The following CASZ1 variants were observed in gnomAD, a reference collection of about 807,000 sequenced individuals.
CASZ1 encodes zinc finger protein castor homolog 1.
A neutral mutation model predicts 135.2 loss-of-function variants in CASZ1; 28 were observed. The observed-to-expected ratio is 0.21, with a 90% CI of 0.15 to 0.28. The LOEUF (loss-of-function observed/expected upper bound fraction) is 0.28. Among genes scored for constraint, CASZ1 ranks in the 10% least tolerant of loss-of-function variants. The pLI is 1.00. For synonymous variants in CASZ1, 1,068 were observed against 1,073.4 expected, an observed-to-expected ratio of 0.99 and a Z score of 0.10; for missense variants, 2,161 against 2,453.3, an observed-to-expected ratio of 0.88 and a Z score of 2.52.
intron 4 of CASZ1, among the ~76,000 whole-genome samples, chr1:10,678,583 G>A (rs911160105): frequency 7.2e-5 from 11 of 152,208 alleles, no homozygotes; most frequent in African/African-American, 2.7e-4. Context: ...TCGCTCCCTG[G>A]GCCGCGCCGG....
rs1638960915 is a variant in CASZ1 at position 10,697,557 on chromosome 1, C to T, written c.-23-3645G>A. The stretch of plus-strand genomic sequence containing the variant: ...TCAGCACCAAGGAAAGCCATCTGCC[C>T]TTCCTGTCACACTGCTATCGCTGGT... On this transcript the variant is annotated intron_variant, in intron 3 of 20. Transcript: ENST00000377022. The surrounding 1 kb of genome is among the most constrained non-coding windows in gnomAD (Gnocchi z 4.7). Among the ~76,000 whole-genome samples, 1 of 152,096 alleles carries T rather than the reference C, an allele frequency of 6.6e-6. No homozygotes were observed. The highest frequency in any genetic ancestry group is 2.1e-4 in the South Asian group (1 of 4,828).
intron 3 of CASZ1, among the ~76,000 whole-genome samples, chr1:10,702,764 T>A (rs545037965): frequency 1.3e-5 from 2 of 152,260 alleles, no homozygotes; most frequent in Admixed American, 1.3e-4. Flanking sequence ...GCAAGAGAGA[T>A]GTCAATGGGG....
chr1:10,792,677 C>T (rs1277064818), intron 1 of CASZ1, among the ~76,000 whole-genome samples: 2 of 151,248 alleles, frequency 1.3e-5, no homozygotes, highest in Non-Finnish European at 2.9e-5. Context: ...ATTCACTGCA[C>T]CGCCTCCCCA....
chr1:10,708,977 G>C (rs1279340057), intron 2 of CASZ1, among the ~76,000 whole-genome samples: 1 of 141,128 alleles, frequency 7.1e-6, no homozygotes, highest in South Asian at 2.5e-4. Flanking sequence ...GGGGAGGGGG[G>C]GGGCCATGGG....
chr1:10,743,473 G>A (rs2100537445), intron 2 of CASZ1, among the ~76,000 whole-genome samples: 1 of 146,144 alleles, frequency 6.8e-6, no homozygotes, highest in Non-Finnish European at 1.6e-5. Flanking sequence ...GTGTACCCCG[G>A]CATCCTCCAC....
rs796669905 is a variant in CASZ1 at position 10,719,214 on chromosome 1, G to A, written c.-76-13670C>T. 4.4e-4 allele frequency among the ~76,000 whole-genome samples: 67 copies of A among 152,308 alleles called. No homozygotes were observed. The highest frequency in any genetic ancestry group is 1.6e-3 in the African/African-American group (66 of 41,568). On this transcript the variant is annotated intron_variant, in intron 2 of 20. Coordinates refer to ENST00000377022, the MANE Select transcript of CASZ1 (RefSeq NM_001079843.3). The surrounding 1 kb of genome is among the most constrained non-coding windows in gnomAD (Gnocchi z 4.0). ...ATTACAGGCGTGAGCCACCGCACCC[G>A]GCCCCGTGCCCCTTTCTTGTAAGGG...
At position 10,658,455 on chromosome 1, in the gene CASZ1, C is replaced by G. The variant is rs1481224321; in HGVS notation, c.1409+53G>C. Reference sequence around the variant, plus strand: ...AACGAATGGCCTCAGAGTGCCCGGTCAGTCCTGGCCCCCCACCTTCTCTCC... The same window carrying G: ...AACGAATGGCCTCAGAGTGCCCGGTGAGTCCTGGCCCCCCACCTTCTCTCC... On this transcript the variant is annotated intron_variant, in intron 7 of 20. Coordinates refer to ENST00000377022, the MANE Select transcript of CASZ1 (RefSeq NM_001079843.3). The G allele has an allele frequency of 2.0e-6, 3 of 1,477,890 alleles. No individual in the cohort carries two copies. The East Asian group carries it at 6.8e-5, about 33-fold the overall frequency. The allele number at this position is 1,477,890 out of a possible 1,614,324, so 91.5% of individuals were successfully genotyped here.
intron 2 of CASZ1, among the ~76,000 whole-genome samples, chr1:10,754,752 G>C (rs1640217401): frequency 6.6e-6 from 1 of 152,210 alleles, no homozygotes; most frequent in Non-Finnish European, 1.5e-5. Flanking sequence ...CCCGGGCCCA[G>C]CTCAGCTGCT....
In CASZ1 at chr1:10,756,978, G is replaced by A. The variant is rs1193955107; in HGVS notation, c.-77+3723C>T. Among the ~76,000 whole-genome samples the A allele has an allele frequency of 2.6e-5, 4 of 152,220 alleles. No homozygotes were observed. The highest frequency in any genetic ancestry group is 5.9e-5 in the Non-Finnish European group (4 of 68,036). On this transcript the variant is annotated intron_variant, in intron 2 of 20. Coordinates refer to ENST00000377022, the MANE Select transcript of CASZ1 (RefSeq NM_001079843.3). The surrounding 1 kb of genome is among the most constrained non-coding windows in gnomAD (Gnocchi z 5.9). ...AATCTCAGACCCAGCACAGAACCCA[G>A]GGAGCAAACACACAAAGCTGGCTTC...
In CASZ1 at chr1:10,639,277, G is replaced by GGTCGCCCGC; in HGVS notation, c.4936_4944dup (p.Ala1646_Asp1648dup). On this transcript the variant is annotated inframe_insertion, in exon 21 of 21. Transcript: ENST00000377022. This position sits in a 1 kb window ranked among gnomAD's most constrained non-coding sequence, Gnocchi z 4.0. ...GGGGCGGCGGCGTCGGGCGGGCCGGGGTCGCCCGCGTCGCCCAGCGCCAGG... is the reference window on the plus strand; with the variant it reads ...GGGGCGGCGGCGTCGGGCGGGCCGGGGTCGCCCGCGTCGCCCGCGTCGCCCAGCGCCAGG... 5 of 1,123,302 alleles carry GGTCGCCCGC rather than the reference G, an allele frequency of 4.5e-6. No homozygotes were observed. Among genetic ancestry groups the GGTCGCCCGC allele is most frequent in the Non-Finnish European group, 5.5e-6 (5 of 914,010 alleles). 69.6% of individuals were successfully genotyped at this position (1,123,302 alleles called of 1,614,324 possible).
chr1:10,722,464 G>A (rs962000837), intron 2 of CASZ1, among the ~76,000 whole-genome samples: 1 of 152,222 alleles, frequency 6.6e-6, no homozygotes, highest in East Asian at 1.9e-4. Flanking sequence ...TAGGGACCGA[G>A]TACCTTCGAG....
chr1:10,666,094 G>A lies in CASZ1; in HGVS notation c.17-523C>T, dbSNP rs1013724739. 1.3e-5 allele frequency among the ~76,000 whole-genome samples: 2 copies of A among 151,672 alleles called. 1 individual carries two copies. Among genetic ancestry groups the A allele is most frequent in the South Asian group, 4.1e-4 (2 of 4,820 alleles). On this transcript the variant is annotated intron_variant, in intron 4 of 20. Coordinates refer to ENST00000377022, the MANE Select transcript of CASZ1 (RefSeq NM_001079843.3). The surrounding 1 kb of genome is among the most constrained non-coding windows in gnomAD (Gnocchi z 5.2). ...GTCACAGAGAGCCAGGGACCAGCTT[G>A]TGCCAGCCTCTTGCCTCACTGTCCC...
intron 1 of CASZ1, among the ~76,000 whole-genome samples, chr1:10,780,809 G>C (rs1640750153): frequency 6.6e-6 from 1 of 152,158 alleles, no homozygotes; most frequent in Non-Finnish European, 1.5e-5. Context: ...ACTCAGGTAA[G>C]TGACTGAACC....
rs1557459740 is a variant in CASZ1, at chr1:10,646,187, GGTT to G, written c.3634_3636del (p.Asn1212del). The G allele has an allele frequency of 1.9e-6, 3 of 1,614,198 alleles. No individual in the cohort carries two copies. Among genetic ancestry groups the G allele is most frequent in the South Asian group, 1.1e-5 (1 of 91,080 alleles). On this transcript the variant is annotated inframe_deletion, in exon 17 of 21. Transcript: ENST00000377022. This position sits in a 1 kb window ranked among gnomAD's most constrained non-coding sequence, Gnocchi z 6.4. ...GCAAACTGGTCTCGCACGTTCACCAGGTTGTTGTTGGGGTTGATGTGGTCCAGG... is the reference window on the plus strand; with the variant it reads ...GCAAACTGGTCTCGCACGTTCACCAGGTTGTTGGGGTTGATGTGGTCCAGG...
intron 2 of CASZ1, among the ~76,000 whole-genome samples, chr1:10,733,351 C>G (rs1639736166): frequency 6.6e-6 from 1 of 152,172 alleles, no homozygotes; most frequent in African/African-American, 2.4e-5. Flanking sequence ...CATGTCCGAC[C>G]AGCTAAACCT....
chr1:10,780,068 C>T (rs1159220069), intron 1 of CASZ1, among the ~76,000 whole-genome samples: 1 of 152,180 alleles, frequency 6.6e-6, no homozygotes, highest in Non-Finnish European at 1.5e-5. Flanking sequence ...AGCAGGAGCC[C>T]TCACCCTCAC....
rs563927782 is a variant in CASZ1, at chr1:10,788,695, C to T, written c.-234+7869G>A. On this transcript the variant is annotated intron_variant, in intron 1 of 20. Transcript: ENST00000377022. This position sits in a 1 kb window ranked among gnomAD's most constrained non-coding sequence, Gnocchi z 4.1. Reference sequence around the variant, plus strand: ...CGTCTTGGCAGCAAGTGTCCCTGACCGCTGCCTCCTCACCCGGGAGCTGCC... The same window carrying T: ...CGTCTTGGCAGCAAGTGTCCCTGACTGCTGCCTCCTCACCCGGGAGCTGCC... Among the ~76,000 whole-genome samples, 21 of 152,318 alleles carry T rather than the reference C, an allele frequency of 1.4e-4. No homozygotes were observed. In the South Asian group the frequency reaches 2.7e-3, roughly 20 times the overall value.
rs1270208547 is a variant in CASZ1, at chr1:10,755,899, T to C, written c.-77+4802A>G. Among the ~76,000 whole-genome samples, 1 of 137,744 alleles carries C rather than the reference T, an allele frequency of 7.3e-6. No individual in the cohort carries two copies. The highest frequency in any genetic ancestry group is 1.6e-5 in the Non-Finnish European group (1 of 64,286). The allele number at this position is 137,744 out of a possible 152,430, so 90.4% of individuals were successfully genotyped here. A position where few individuals can be genotyped will look rare whatever the true frequency, so the allele number is the denominator to read the frequency against. ...GCTGCAGGCCATGGAGCTGCCAGCC[T>C]CACATCAGATCAAAGCCCTGGAGGA... On this transcript the variant is annotated intron_variant, in intron 2 of 20. Coordinates refer to ENST00000377022, the MANE Select transcript of CASZ1 (RefSeq NM_001079843.3). The surrounding 1 kb of genome is among the most constrained non-coding windows in gnomAD (Gnocchi z 4.3).
At chr1:10,781,126 T>C (rs1384053654) in intron 1 of CASZ1, among the ~76,000 whole-genome samples, 2 of 152,208 alleles carry the variant, frequency 1.3e-5, no homozygotes, top group African/African-American at 4.8e-5. Flanking sequence ...GACCTCAGGA[T>C]GCTGGTCCTG....
Sources: allele counts gnomAD v4.1 joint callset (sites outside exome capture counted in the v4.1 genomes callset), GRCh38; gene constraint gnomAD v4.1.1; non-coding constraint Gnocchi (gnomAD v3.1); transcripts MANE v1.5; gene names NCBI Gene and HGNC (gene_info 2026-07-23, HGNC 2026-07-21).